PVT1: variants seen among roughly 807,000 people sequenced by gnomAD.
PVT1 encodes CXCR4/PVT1 fusion.
rs184815500 is a variant in PVT1, at chr8:127,914,350, G to C, written n.782+23352G>C. ...AGGATGTAGAGAAATTGGAACCCTTGTACATTGCTGGTAGGAATGTAAGAT... is the reference window on the plus strand; with the variant it reads ...AGGATGTAGAGAAATTGGAACCCTTCTACATTGCTGGTAGGAATGTAAGAT... On this transcript the variant is annotated intron_variant and non_coding_transcript_variant, in intron 3 of 10. Coordinates refer to ENST00000651587, the Ensembl canonical transcript of PVT1. Among the ~76,000 whole-genome samples, 349 of 138,680 alleles carry C rather than the reference G, an allele frequency of 2.5e-3. 1 individual carries two copies. Among genetic ancestry groups the C allele is most frequent in the African/African-American group, 8.8e-3 (339 of 38,596 alleles). The allele number at this position is 138,680 out of a possible 152,430, so 91.0% of individuals were successfully genotyped here.
chr8:128,065,759 A>G (rs200046033), intron 4 of PVT1, among the ~76,000 whole-genome samples: 4 of 140,814 alleles, frequency 2.8e-5, no homozygotes, highest in African/African-American at 1.0e-4. Context: ...AGCAGACACA[A>G]AAAACTGGCT....
chr8:127,844,813 A>T (rs1221090941), intron 2 of PVT1, among the ~76,000 whole-genome samples: 1 of 152,004 alleles, frequency 6.6e-6, no homozygotes, highest in Non-Finnish European at 1.5e-5. Flanking sequence ...TCCTGGGTTC[A>T]TGCCATTCTC....
At chr8:127,960,006 C>G (rs909090765) in intron 3 of PVT1, among the ~76,000 whole-genome samples, 14 of 152,252 alleles carry the variant, frequency 9.2e-5, no homozygotes, top group Admixed American at 6.5e-4. Context: ...GTATGTGATT[C>G]CTGGAAGGGG....
chr8:127,914,126 T>TTATATATA (rs1815947457), intron 3 of PVT1, among the ~76,000 whole-genome samples: 1 of 151,182 alleles, frequency 6.6e-6, no homozygotes, highest in Non-Finnish European at 1.5e-5. Flanking sequence ...TCCAGAGAAG[T>TTATATATA]TATATAAATG....
intron 2 of PVT1, among the ~76,000 whole-genome samples, chr8:127,849,857 T>C (rs113566320): frequency 4.3e-5 from 6 of 139,726 alleles, no homozygotes; most frequent in Non-Finnish European, 7.8e-5. Flanking sequence ...TGTGTGTGTG[T>C]GCTCCTGCGT....
chr8:127,899,335 C>T (rs1446095944), intron 3 of PVT1, among the ~76,000 whole-genome samples: 3 of 152,114 alleles, frequency 2.0e-5, no homozygotes, highest in African/African-American at 7.2e-5. Context: ...GCCAGTTGTC[C>T]ATCTCCCCTC....
intron 4 of PVT1, among the ~76,000 whole-genome samples, chr8:128,018,044 G>T (rs1779541443): frequency 6.6e-6 from 1 of 152,312 alleles, no homozygotes; most frequent in African/African-American, 2.4e-5. Flanking sequence ...AATATTGGCT[G>T]CAGTGTGTTT....
At chr8:128,096,401 G>A (rs1282085807) in intron 5 of PVT1, 1 of 152,210 alleles carries the variant, frequency 6.6e-6, no homozygotes. Context: ...CAAATGCTCT[G>A]ACGTCCTCAT....
At chr8:128,020,545 C>T (rs1022130433) in intron 4 of PVT1, among the ~76,000 whole-genome samples, 1 of 152,102 alleles carries the variant, frequency 6.6e-6, no homozygotes, top group African/African-American at 2.4e-5. Context: ...AAATGGGGAC[C>T]GCCGGCCTAC....
chr8:128,014,466 C>T (rs1243016193), intron 4 of PVT1, among the ~76,000 whole-genome samples: 1 of 152,184 alleles, frequency 6.6e-6, no homozygotes. Context: ...AAGTGAAGGC[C>T]TTGAAATGCC....
chr8:127,811,905 G>C (rs911087059), intron 2 of PVT1, among the ~76,000 whole-genome samples: 1 of 152,052 alleles, frequency 6.6e-6, no homozygotes, highest in African/African-American at 2.4e-5. Flanking sequence ...ATGATTTTCA[G>C]ATTTACCTTC....
At chr8:127,869,273 G>A (rs1483916733) in intron 2 of PVT1, among the ~76,000 whole-genome samples, 1 of 151,898 alleles carries the variant, frequency 6.6e-6, no homozygotes, top group African/African-American at 2.4e-5. Context: ...TGGGATTACA[G>A]GCATGCACCA....
intron 4 of PVT1, among the ~76,000 whole-genome samples, chr8:128,038,038 G>A (rs1046470364): frequency 2.0e-5 from 3 of 152,104 alleles, no homozygotes; most frequent in Admixed American, 1.3e-4. Context: ...GGGTCACCAG[G>A]CTGAGTTGAT....
intron 4 of PVT1, among the ~76,000 whole-genome samples, chr8:128,062,035 C>T (rs979646207): frequency 1.1e-4 from 16 of 152,208 alleles, no homozygotes; most frequent in African/African-American, 3.9e-4. Context: ...GGCAAGGCCA[C>T]GTGCAAGAAA....
chr8:127,830,894 A>T (rs1814841006), intron 2 of PVT1, among the ~76,000 whole-genome samples: 1 of 152,102 alleles, frequency 6.6e-6, no homozygotes, highest in Non-Finnish European at 1.5e-5. Flanking sequence ...CCCATACTGG[A>T]TGCTTCCTGC....
chr8:128,058,172 T>C lies in PVT1; in HGVS notation n.913-11988T>C, dbSNP rs1365823146. On this transcript the variant is annotated intron_variant and non_coding_transcript_variant, in intron 4 of 10. Coordinates refer to ENST00000651587, the Ensembl canonical transcript of PVT1. Reference sequence around the variant, plus strand: ...ATTCTTCAGTGCATAACCCAGTTCCTAGCTTGTGATGGATCCTTCCTAAGG... The same window carrying C: ...ATTCTTCAGTGCATAACCCAGTTCCCAGCTTGTGATGGATCCTTCCTAAGG... Among the ~76,000 whole-genome samples the C allele has an allele frequency of 2.6e-5, 4 of 152,302 alleles. No individual in the cohort carries two copies. In the East Asian group the frequency reaches 7.7e-4, roughly 29 times the overall value.
chr8:127,810,685 G>T (rs541736108), intron 2 of PVT1, among the ~76,000 whole-genome samples: 21 of 152,336 alleles, frequency 1.4e-4, no homozygotes, highest in Non-Finnish European at 2.8e-4. Context: ...CCAGACTTTA[G>T]AGGATTTGTG....
chr8:127,927,009 G>A (rs191397584), intron 3 of PVT1, among the ~76,000 whole-genome samples: 119 of 152,042 alleles, frequency 7.8e-4, no homozygotes, highest in Non-Finnish European at 1.2e-3. Flanking sequence ...TTTCTGTGCC[G>A]ACAATGACCT....
intron 5 of PVT1, among the ~76,000 whole-genome samples, chr8:128,071,935 G>A (rs923947368): frequency 1.3e-5 from 2 of 151,902 alleles, no homozygotes; most frequent in Admixed American, 1.3e-4. Context: ...TTCATTTTTT[G>A]TACCTTAGCT....
Sources: gnomAD v4.1 joint callset for allele counts (sites outside exome capture counted in the v4.1 genomes callset) on GRCh38, gnomAD v4.1.1 for gene constraint, MANE v1.5 for transcripts, NCBI Gene and HGNC (gene_info 2026-07-23, HGNC 2026-07-21) for gene names.